The following ADGRV1 variants were observed in gnomAD, a reference collection of about 807,000 sequenced individuals.
The protein encoded by ADGRV1 is adhesion G protein-coupled receptor V1.
ADGRV1 carries 359 observed loss-of-function variants against 596.2 expected under a neutral mutation model. That is an observed-to-expected ratio of 0.60 (90% confidence interval 0.55 to 0.66). The LOEUF is 0.66. Among genes scored for constraint, ADGRV1 ranks in the 30% least tolerant of loss-of-function variants. The probability of loss-of-function intolerance (pLI) is 0.00; values close to 1 mark genes in which losing one functional copy is unlikely to be tolerated. For synonymous variants in ADGRV1, 2,681 were observed against 2,679.2 expected, an observed-to-expected ratio of 1.00 and a Z score of -0.02; for missense variants, 7,274 against 7,575.6, an observed-to-expected ratio of 0.96 and a Z score of 1.48.
At chr5:90,975,202 C>T (rs1238420681) in intron 84 of ADGRV1, among the ~76,000 whole-genome samples, 2 of 151,516 alleles carry the variant, frequency 1.3e-5, no homozygotes, top group African/African-American at 4.9e-5. Context: ...CAGGAAACAA[C>T]AGGTGCTGGA....
chr5:90,663,929 G>T (rs1226662555), intron 21 of ADGRV1, among the ~76,000 whole-genome samples: 5 of 151,056 alleles, frequency 3.3e-5, no homozygotes, highest in African/African-American at 1.2e-4. Context: ...TTGTAGATAT[G>T]CGGCGTTATT....
In ADGRV1 at chr5:90,637,871, T is replaced by G; in HGVS notation, c.2163T>G (p.Ser721Arg). The G allele has an allele frequency of 6.2e-7, 1 of 1,613,696 alleles. No homozygotes were observed. The highest frequency in any genetic ancestry group is 1.1e-5 in the South Asian group (1 of 91,076). Residue 721 changes from serine (S) to arginine (R), a missense_variant, in exon 11 of 90, where the codon AGT (serine) becomes AGG (arginine). This residue lies in a region of ADGRV1 where 1,715 missense variants were observed against 1,708.8 expected (regional missense o/e 1.00). Coordinates refer to ENST00000405460, the MANE Select transcript of ADGRV1 (RefSeq NM_032119.4). ...CTGTTTTGTTTTTATCTGGGCAAAG[T>G]GACACAACAATCAACATTACTATCA... ...NGSVLFLSGQ[S>R]DTTINITIKG...
intron 21 of ADGRV1, among the ~76,000 whole-genome samples, chr5:90,669,021 A>G (rs749155133): frequency 7.2e-5 from 11 of 152,190 alleles, no homozygotes; most frequent in Non-Finnish European, 1.5e-4. Flanking sequence ...CTCTTGCTGA[A>G]AAGGGAAAAG....
At chr5:90,806,168 G>A (rs1313634925) in intron 72 of ADGRV1, among the ~76,000 whole-genome samples, 2 of 152,090 alleles carry the variant, frequency 1.3e-5, no homozygotes, top group Non-Finnish European at 2.9e-5. Context: ...AGATAAGAAG[G>A]AATGAAAGCT....
At chr5:91,034,058 A>G (rs1784678413) in intron 85 of ADGRV1, among the ~76,000 whole-genome samples, 1 of 152,164 alleles carries the variant, frequency 6.6e-6, no homozygotes, top group South Asian at 2.1e-4. Context: ...CTAACCAACT[A>G]CAGTTTTGTG....
At chr5:90,941,074 G>GA (rs1024834701) in intron 83 of ADGRV1, among the ~76,000 whole-genome samples, 2 of 149,732 alleles carry the variant, frequency 1.3e-5, no homozygotes, top group African/African-American at 4.9e-5. Context: ...CATTTCCTGA[G>GA]AAAAAAATGA....
chr5:90,724,966 C>G lies in ADGRV1; in HGVS notation c.9883C>G (p.Gln3295Glu), dbSNP rs1751569826. The G allele has an allele frequency of 1.2e-6, 2 of 1,601,314 alleles. No homozygotes were observed. The highest frequency in any genetic ancestry group is 1.7e-6 in the Non-Finnish European group (2 of 1,175,206). Residue 3295 changes from glutamine (Q) to glutamate (E), a missense_variant, in exon 46 of 90, where the codon CAG becomes GAG. Gln to Glu is a conservative substitution (Grantham distance 29, BLOSUM62 2). Transcript: ENST00000405460. ...ATCATCTGTTACTGTTTACCGATGG[C>G]AGGGGATTTTTATTCCAGTTGAGGT... ...RKSSVTVYRW[Q>E]GIFIPVEDLN...
At chr5:91,099,591 G>T (rs183053163) in intron 86 of ADGRV1, among the ~76,000 whole-genome samples, 1 of 152,154 alleles carries the variant, frequency 6.6e-6, no homozygotes, top group Non-Finnish European at 1.5e-5. Context: ...GGAGTGGATC[G>T]AATCAGTAGA....
chr5:91,130,235 G>GAAA (rs11403279), intron 87 of ADGRV1, among the ~76,000 whole-genome samples: 3 of 144,026 alleles, frequency 2.1e-5, no homozygotes, highest in Non-Finnish European at 4.5e-5. Context: ...TTTCTAAATT[G>GAAA]AAAAAAAAAA....
intron 87 of ADGRV1, among the ~76,000 whole-genome samples, chr5:91,104,220 T>C (rs764452528): frequency 1.1e-4 from 17 of 152,212 alleles, no homozygotes; most frequent in Admixed American, 2.0e-4. Context: ...TATTTCAGAC[T>C]GTAGATGTTC....
intron 65 of ADGRV1, 142 bp from the exon 66 acceptor site, chr5:90,782,982 C>T: frequency 1.5e-6 from 1 of 668,174 alleles, no homozygotes; most frequent in Non-Finnish European, 2.6e-6. Flanking sequence ...CACTAATCCC[C>T]CTTTAAAATG....
intron 85 of ADGRV1, among the ~76,000 whole-genome samples, chr5:91,006,918 G>A (rs1782328418): frequency 6.6e-6 from 1 of 152,162 alleles, no homozygotes; most frequent in Non-Finnish European, 1.5e-5. Context: ...AGGTGGTACA[G>A]TGGGTGATTG....
chr5:90,733,797 A>T (rs1752859751), intron 50 of ADGRV1, among the ~76,000 whole-genome samples: 1 of 152,200 alleles, frequency 6.6e-6, no homozygotes, highest in Non-Finnish European at 1.5e-5. Flanking sequence ...GATACAGTTG[A>T]AATGTACTCT....
At chr5:91,057,801 GAATT>G (rs1372433894) in intron 85 of ADGRV1, among the ~76,000 whole-genome samples, 3 of 152,214 alleles carry the variant, frequency 2.0e-5, no homozygotes, top group Non-Finnish European at 4.4e-5. Context: ...CCTTCTAACG[GAATT>G]AGTTGTATTA....
intron 53 of ADGRV1, 33 bp downstream of exon 53, chr5:90,750,730 T>C: frequency 1.9e-6 from 3 of 1,572,614 alleles, no homozygotes; most frequent in Middle Eastern, 1.7e-4. Flanking sequence ...GGAAACACTT[T>C]TAAATTATGG....
At chr5:90,982,792 A>G (rs533492519) in intron 84 of ADGRV1, among the ~76,000 whole-genome samples, 1 of 152,264 alleles carries the variant, frequency 6.6e-6, no homozygotes, top group Admixed American at 6.5e-5. Flanking sequence ...CCAGGGGAGC[A>G]ATGTCAGGGA....
At chr5:90,774,939 A>C (rs1024567446) in intron 60 of ADGRV1, among the ~76,000 whole-genome samples, 1 of 152,154 alleles carries the variant, frequency 6.6e-6, no homozygotes, top group African/African-American at 2.4e-5. Context: ...ATTATAGCCT[A>C]TGTACGTCTG....
intron 83 of ADGRV1, among the ~76,000 whole-genome samples, chr5:90,901,807 A>G (rs1771872360): frequency 6.6e-6 from 1 of 152,232 alleles, no homozygotes; most frequent in Admixed American, 6.5e-5. Flanking sequence ...GTACTATTCT[A>G]GCAATATCAT....
intron 69 of ADGRV1, 89 bp from the exon 70 acceptor site, chr5:90,790,784 G>A (rs1412418795): frequency 3.8e-6 from 3 of 783,006 alleles, no homozygotes; most frequent in African/African-American, 1.8e-5. Context: ...TTTTTTTTTT[G>A]TATATTATAG....
Sources: allele counts gnomAD v4.1 joint callset (sites outside exome capture counted in the v4.1 genomes callset), GRCh38; gene constraint gnomAD v4.1.1; regional missense constraint gnomAD v4.1.1; transcripts MANE v1.5; gene names NCBI Gene and HGNC (gene_info 2026-07-23, HGNC 2026-07-21).